LRBA: variants seen among roughly 807,000 people sequenced by gnomAD.
LRBA encodes the protein LPS responsive beige-like anchor protein.
A neutral mutation model predicts 330.0 loss-of-function variants in LRBA; 176 were observed. That is an observed-to-expected ratio of 0.53 (90% CI 0.47 to 0.60). LRBA has a LOEUF of 0.60. Ranked by LOEUF, LRBA falls within the 20% of genes least tolerant of loss-of-function variation. The pLI is 0.00. For missense variants in LRBA, 3,259 were observed against 3,444.8 expected (o/e 0.95, Z 1.35); for synonymous variants, 1,230 against 1,193.0 (o/e 1.03, Z -0.64).
intron 2 of LRBA, among the ~76,000 whole-genome samples, chr4:150,963,682 C>T (rs969818439): frequency 6.7e-6 from 1 of 148,304 alleles, no homozygotes; most frequent in Non-Finnish European, 1.5e-5. Context: ...TGCCTGGCCG[C>T]CCAGTCCGGG....
chr4:150,516,595 A>C lies in LRBA; in HGVS notation c.6331-25560T>G, dbSNP rs553227355. 3.4e-4 allele frequency among the ~76,000 whole-genome samples: 52 copies of C among 152,220 alleles called. 2 individuals carry two copies. In the South Asian group the frequency reaches 0.011, roughly 32 times the overall value. On this transcript the variant is annotated intron_variant, in intron 40 of 56. Transcript: ENST00000651943. ...ATAAAAAATGAATAGAAAATGGATA[A>C]AGAATATAAAAGGAATTTCACAGAA... is the stretch of plus-strand genomic sequence containing the variant.
chr4:150,932,231 CA>C lies in LRBA; in HGVS notation c.217-3167del, dbSNP rs1036050965. ...ACATAATAATCAGAAACTCTATATGCAAAAAAAAATCAAAAAGTAAATTAAA... is the reference window on the plus strand; with the variant it reads ...ACATAATAATCAGAAACTCTATATGCAAAAAAAATCAAAAAGTAAATTAAA... On this transcript the variant is annotated intron_variant, in intron 2 of 56. Transcript: ENST00000651943. 2.0e-4 allele frequency among the ~76,000 whole-genome samples: 30 copies of C among 147,666 alleles called. No homozygotes were observed. The East Asian group carries it at 3.4e-3, about 17-fold the overall frequency.
chr4:150,287,326 A>G (rs1201694680), intron 53 of LRBA, among the ~76,000 whole-genome samples: 1 of 152,240 alleles, frequency 6.6e-6, no homozygotes, highest in Non-Finnish European at 1.5e-5. Context: ...GGGTTCTTCC[A>G]GTAGGTCACT....
chr4:150,528,189 T>C (rs1358944888), intron 40 of LRBA, among the ~76,000 whole-genome samples: 1 of 152,038 alleles, frequency 6.6e-6, no homozygotes, highest in African/African-American at 2.4e-5. Context: ...ATTTGGAAGA[T>C]AGGGATAGGG....
chr4:150,279,498 G>T (rs775091068), intron 55 of LRBA, among the ~76,000 whole-genome samples: 1 of 152,206 alleles, frequency 6.6e-6, no homozygotes, highest in Non-Finnish European at 1.5e-5. Flanking sequence ...CCTAATTTCT[G>T]ATACATTGAC....
chr4:150,396,845 A>T (rs1460018407), intron 47 of LRBA, among the ~76,000 whole-genome samples: 1 of 152,200 alleles, frequency 6.6e-6, no homozygotes, highest in Non-Finnish European at 1.5e-5. Context: ...CTTTTATTAT[A>T]CAAACACTCA....
At chr4:150,393,568 T>A (rs1744310132) in intron 47 of LRBA, among the ~76,000 whole-genome samples, 1 of 145,498 alleles carries the variant, frequency 6.9e-6, no homozygotes, top group African/African-American at 2.5e-5. Context: ...CACTGTAACC[T>A]CAAACTCCTG....
intron 14 of LRBA, 63 bp from the exon 15 acceptor site, chr4:150,897,881 A>G (rs1579132114): frequency 9.2e-7 from 1 of 1,092,560 alleles, no homozygotes; most frequent in African/African-American, 1.6e-5. Flanking sequence ...GTCAAAGTAT[A>G]AAATTCTCAT....
chr4:150,770,521 T>A (rs1430093273), intron 34 of LRBA, among the ~76,000 whole-genome samples: 1 of 151,792 alleles, frequency 6.6e-6, no homozygotes, highest in South Asian at 2.1e-4. Context: ...ACTCAATACA[T>A]CTTAAGTTGC....
intron 2 of LRBA, among the ~76,000 whole-genome samples, chr4:150,945,615 A>G (rs1736154302): frequency 6.6e-6 from 1 of 152,208 alleles, no homozygotes. Context: ...CCTAAAGTGT[A>G]GGTGATAAAT....
At chr4:150,325,215 C>A (rs13434795) in intron 49 of LRBA, among the ~76,000 whole-genome samples, 1 of 152,088 alleles carries the variant, frequency 6.6e-6, no homozygotes, top group Admixed American at 6.6e-5. Flanking sequence ...CAGCCCACCC[C>A]CAAGCAGTGT....
intron 36 of LRBA, among the ~76,000 whole-genome samples, chr4:150,709,966 G>A (rs907428973): frequency 2.6e-5 from 4 of 151,858 alleles, no homozygotes; most frequent in African/African-American, 9.7e-5. Flanking sequence ...TTGATATTAA[G>A]GATTGTAGGT....
rs562182391 is a variant in LRBA, at chr4:150,844,220, A to T, written c.4462-13T>A. The T allele has an allele frequency of 2.8e-4, 360 of 1,279,704 alleles. 2 individuals carry two copies. Among genetic ancestry groups the T allele is most frequent in the Non-Finnish European group, 3.8e-4 (348 of 906,880 alleles). The allele number at this position is 1,279,704 out of a possible 1,614,324, so 79.3% of individuals were successfully genotyped here. ...TGTCCACTGGGCTCTATTTAAGATT[A>T]AAAAAAAATTGTATATATATATATT... On this transcript the variant is annotated splice_polypyrimidine_tract_variant and intron_variant, in intron 27 of 56. Transcript: ENST00000651943.
Position 150,435,715 on chromosome 4 carries a change from A to G in LRBA, c.6922-7T>C. On this transcript the variant is annotated splice_region_variant and splice_polypyrimidine_tract_variant and intron_variant, in intron 45 of 56. Coordinates refer to ENST00000651943, the MANE Select transcript of LRBA (RefSeq NM_001364905.1). ...AATAAGTTGTAAAGGGTTCCTAAAA[A>G]ATAGCAATTAAAAAAATCCATATGT... 6.3e-7 allele frequency: 1 copy of G among 1,590,926 alleles called. No homozygotes were observed. Among genetic ancestry groups the G allele is most frequent in the Non-Finnish European group, 8.5e-7 (1 of 1,172,714 alleles).
rs185742973 is a variant in LRBA at position 150,650,120 on chromosome 4, T to C, written c.5921+33431A>G. ...CTGGCCAATACTTGGTGAGGTTAAG[T>C]GACTCGTTCAAAGTTGCAAAGCCAG... On this transcript the variant is annotated intron_variant, in intron 37 of 56. Coordinates refer to ENST00000651943, the MANE Select transcript of LRBA (RefSeq NM_001364905.1). 2.6e-4 allele frequency among the ~76,000 whole-genome samples: 39 copies of C among 152,314 alleles called. No individual in the cohort carries two copies. In the East Asian group the frequency reaches 6.9e-3, roughly 27 times the overall value.
intron 28 of LRBA, among the ~76,000 whole-genome samples, chr4:150,835,661 G>T (rs1419453695): frequency 6.6e-6 from 1 of 152,146 alleles, no homozygotes; most frequent in Non-Finnish European, 1.5e-5. Context: ...TGTATCCTGA[G>T]ACTTTGCTGA....
intron 36 of LRBA, among the ~76,000 whole-genome samples, chr4:150,734,080 A>C (rs1216842476): frequency 6.6e-6 from 1 of 152,190 alleles, no homozygotes; most frequent in Admixed American, 6.5e-5. Context: ...AGATGACTTT[A>C]ATCATTTAAA....
At chr4:150,584,242 CTTCA>C in intron 40 of LRBA, 1 of 1,011,272 alleles carries the variant, frequency 9.9e-7, no homozygotes, top group Non-Finnish European at 1.4e-6. Flanking sequence ...GGCAGAAGAC[CTTCA>C]TTAATTAAGA....
At chr4:150,708,106 C>T (rs1379521658) in intron 36 of LRBA, among the ~76,000 whole-genome samples, 1 of 151,750 alleles carries the variant, frequency 6.6e-6, no homozygotes. Context: ...AGGCAAATCT[C>T]ACAAGTAACA....
Sources: gnomAD v4.1 joint callset for allele counts (sites outside exome capture counted in the v4.1 genomes callset) on GRCh38, gnomAD v4.1.1 for gene constraint, MANE v1.5 for transcripts, NCBI Gene and HGNC (gene_info 2026-07-23, HGNC 2026-07-21) for gene names.